GALNT14: variants seen among roughly 807,000 people sequenced by gnomAD.
The protein encoded by GALNT14 is UDP-GalNAc:polypeptide N-acetylgalactosaminyltransferase 14.
A neutral mutation model predicts 77.5 loss-of-function variants in GALNT14; 60 were observed. That is an observed-to-expected ratio of 0.77 (90% CI 0.63 to 0.96). GALNT14 has a LOEUF of 0.96. Among genes scored for constraint, GALNT14 ranks in the 40% least tolerant of loss-of-function variants. The probability of loss-of-function intolerance (pLI) is 0.00; values close to 1 mark genes in which losing one functional copy is unlikely to be tolerated. For missense variants in GALNT14, 710 were observed against 731.0 expected (o/e 0.97, Z 0.33); for synonymous variants, 280 against 281.7 (o/e 0.99, Z 0.06).
At chr2:31,082,883 T>C (rs1045400400) in intron 1 of GALNT14, among the ~76,000 whole-genome samples, 1 of 152,120 alleles carries the variant, frequency 6.6e-6, no homozygotes, top group Non-Finnish European at 1.5e-5. Context: ...CTGGGCGTGA[T>C]GGCACACGCC....
chr2:31,031,515 C>T (rs1672411194), intron 1 of GALNT14, among the ~76,000 whole-genome samples: 1 of 152,044 alleles, frequency 6.6e-6, no homozygotes, highest in South Asian at 2.1e-4. Context: ...CCATGCAAAT[C>T]CTTTGATAAG....
rs76218539 is a variant in GALNT14 at position 31,051,909 on chromosome 2, C to T, written c.130-58902G>A. ...TTCGGAAATAGCTTGGTGGACATTTCCCCCTCCCCTCCGCCCACCCAACTC... is the reference window on the plus strand; with the variant it reads ...TTCGGAAATAGCTTGGTGGACATTTTCCCCTCCCCTCCGCCCACCCAACTC... On this transcript the variant is annotated intron_variant, in intron 1 of 14. Coordinates refer to ENST00000349752, the MANE Select transcript of GALNT14 (RefSeq NM_024572.4). Among the ~76,000 whole-genome samples the T allele has an allele frequency of 6.6e-3, 1,012 of 152,276 alleles. 12 individuals carry two copies. The highest frequency in any genetic ancestry group is 0.022 in the African/African-American group (927 of 41,536).
intron 1 of GALNT14, among the ~76,000 whole-genome samples, chr2:31,056,308 C>T (rs1248979739): frequency 6.6e-6 from 1 of 152,212 alleles, no homozygotes; most frequent in Non-Finnish European, 1.5e-5. Flanking sequence ...GGTTCGGGCT[C>T]ATCTGTCCCC....
chr2:31,028,506 GCTCC>G (rs554885115), intron 1 of GALNT14, among the ~76,000 whole-genome samples: 66 of 152,340 alleles, frequency 4.3e-4, no homozygotes, highest in African/African-American at 1.4e-3. Flanking sequence ...GGTTAGCGGG[GCTCC>G]CTCCATCTCA....
intron 1 of GALNT14, among the ~76,000 whole-genome samples, chr2:31,083,952 G>C (rs1025806488): frequency 6.6e-6 from 1 of 152,192 alleles, no homozygotes; most frequent in Non-Finnish European, 1.5e-5. Context: ...AGCTGCCGGG[G>C]ATCTCGCGGT....
At chr2:31,079,139 C>T (rs1423079984) in intron 1 of GALNT14, 1 of 1,036,652 alleles carries the variant, frequency 9.6e-7, no homozygotes, top group Non-Finnish European at 1.2e-6. Context: ...GGGACACCAG[C>T]TTGTTTGAAC....
chr2:31,126,963 A>G (rs1678735187), intron 1 of GALNT14: 2 of 152,240 alleles, frequency 1.3e-5, no homozygotes, highest in South Asian at 4.1e-4. Flanking sequence ...CTATATAAAG[A>G]ATGGAAACTG....
intron 2 of GALNT14, among the ~76,000 whole-genome samples, chr2:30,984,422 A>C (rs1669173475): frequency 6.6e-6 from 1 of 152,196 alleles, no homozygotes; most frequent in Non-Finnish European, 1.5e-5. Context: ...TGTGTTATTT[A>C]GGGCATGTCC....
Position 30,955,603 on chromosome 2 carries a change from C to T in GALNT14, c.654+15G>A. 1 of 1,613,218 alleles carries T rather than the reference C, an allele frequency of 6.2e-7. No homozygotes were observed. ...TGGGGCACGAGGCCCGGCCCTGCTC[C>T]TCAGCCTCACTCACCTCTTTGACCC... On this transcript the variant is annotated intron_variant, in intron 6 of 14. Coordinates refer to ENST00000349752, the MANE Select transcript of GALNT14 (RefSeq NM_024572.4).
At chr2:31,002,305 CCGTGG>C (rs764486959) in intron 1 of GALNT14, among the ~76,000 whole-genome samples, 13 of 152,016 alleles carry the variant, frequency 8.6e-5, no homozygotes, top group Non-Finnish European at 1.6e-4. Context: ...TGATGTGCGC[CCGTGG>C]TCCCAGCTAC....
At chr2:31,069,901 G>T (rs1675235565) in intron 1 of GALNT14, among the ~76,000 whole-genome samples, 1 of 152,112 alleles carries the variant, frequency 6.6e-6, no homozygotes, top group Non-Finnish European at 1.5e-5. Context: ...GAACTGTCTT[G>T]CTCAGTGAGA....
At chr2:31,128,151 TG>T (rs1678790528) in intron 1 of GALNT14, among the ~76,000 whole-genome samples, 1 of 152,088 alleles carries the variant, frequency 6.6e-6, no homozygotes, top group African/African-American at 2.4e-5. Flanking sequence ...ACCACATATG[TG>T]GGCAGAGCCT....
At chr2:30,940,668 A>T (rs773047136) in intron 9 of GALNT14, among the ~76,000 whole-genome samples, 1 of 152,246 alleles carries the variant, frequency 6.6e-6, no homozygotes, top group Non-Finnish European at 1.5e-5. Flanking sequence ...TTGTCAAGAC[A>T]TAAAAATGGG....
intron 9 of GALNT14, among the ~76,000 whole-genome samples, chr2:30,940,127 G>T (rs1490177892): frequency 6.6e-6 from 1 of 152,078 alleles, no homozygotes; most frequent in African/African-American, 2.4e-5. Context: ...TTTTTTTGTG[G>T]TTTAAAAATT....
intron 1 of GALNT14, among the ~76,000 whole-genome samples, chr2:31,046,911 A>C (rs1228323202): frequency 6.6e-6 from 1 of 152,176 alleles, no homozygotes; most frequent in Non-Finnish European, 1.5e-5. Context: ...AGTCTTTGAA[A>C]TGTTCCTACA....
chr2:31,048,956 C>T (rs1183248194), intron 1 of GALNT14, among the ~76,000 whole-genome samples: 1 of 152,224 alleles, frequency 6.6e-6, no homozygotes, highest in East Asian at 1.9e-4. Context: ...CCCCCTCCAA[C>T]CTTCAGTTCC....
intron 10 of GALNT14, among the ~76,000 whole-genome samples, chr2:30,929,906 G>C (rs1665624487): frequency 6.6e-6 from 1 of 152,076 alleles, no homozygotes. Context: ...TTTTCCCTTG[G>C]GGATGCTGAA....
chr2:31,066,476 A>G (rs1322210992), intron 1 of GALNT14, among the ~76,000 whole-genome samples: 1 of 152,022 alleles, frequency 6.6e-6, no homozygotes, highest in East Asian at 1.9e-4. Flanking sequence ...AAAAAGAAAC[A>G]AGGGGCTTAT....
chr2:31,134,793 G>A (rs1679155379), intron 1 of GALNT14, among the ~76,000 whole-genome samples: 1 of 152,184 alleles, frequency 6.6e-6, no homozygotes, highest in African/African-American at 2.4e-5. Flanking sequence ...CAGTCTCTGG[G>A]TTTAACGGCA....
Sources: gnomAD v4.1 joint callset for allele counts (sites outside exome capture counted in the v4.1 genomes callset) on GRCh38, gnomAD v4.1.1 for gene constraint, MANE v1.5 for transcripts, NCBI Gene and HGNC (gene_info 2026-07-23, HGNC 2026-07-21) for gene names.